CCDC91: variants seen among roughly 807,000 people sequenced by gnomAD.
CCDC91 encodes the protein coiled-coil domain-containing protein 91.
Under a neutral mutation model 63.2 loss-of-function variants are expected in CCDC91, and 48 were observed. That is an observed-to-expected ratio of 0.76 (90% CI 0.60 to 0.97). The LOEUF (loss-of-function observed/expected upper bound fraction) is 0.97. CCDC91 is among the 50% of genes least tolerant of loss of function. The pLI, the probability that CCDC91 is intolerant of heterozygous loss-of-function variation, is 0.00. For missense variants in CCDC91, 500 were observed against 494.6 expected, an observed-to-expected ratio of 1.01 and a Z score of -0.10; for synonymous variants, 167 against 165.8, an observed-to-expected ratio of 1.01 and a Z score of -0.06.
intron 6 of CCDC91, among the ~76,000 whole-genome samples, chr12:28,347,543 C>A (rs1942894055): frequency 6.6e-6 from 1 of 152,140 alleles, no homozygotes; most frequent in Non-Finnish European, 1.5e-5. Flanking sequence ...AGGTACAATA[C>A]TAGTGAGCTA....
At chr12:28,299,852 T>TC (rs1398574215) in intron 3 of CCDC91, among the ~76,000 whole-genome samples, 1 of 151,576 alleles carries the variant, frequency 6.6e-6, no homozygotes, top group Non-Finnish European at 1.5e-5. Flanking sequence ...AACCTTTTTT[T>TC]CCCTCTAGGT....
intron 12 of CCDC91, among the ~76,000 whole-genome samples, chr12:28,524,951 T>G (rs1255415829): frequency 6.6e-6 from 1 of 152,158 alleles, no homozygotes; most frequent in African/African-American, 2.4e-5. Context: ...TATCTCCCAT[T>G]TCATTTCTAA....
chr12:28,544,464 T>G (rs1001137732), intron 12 of CCDC91, among the ~76,000 whole-genome samples: 1 of 152,026 alleles, frequency 6.6e-6, no homozygotes, highest in Non-Finnish European at 1.5e-5. Context: ...GAAGTCATTT[T>G]TAAGCATTAA....
chr12:28,236,884 A>G (rs1944982335), intron 1 of CCDC91: 1 of 152,100 alleles, frequency 6.6e-6, no homozygotes, highest in Admixed American at 6.6e-5. Context: ...TTATGTAACA[A>G]TATAATGGTA....
intron 8 of CCDC91, among the ~76,000 whole-genome samples, chr12:28,433,755 G>A (rs1307388065): frequency 6.6e-6 from 1 of 151,872 alleles, no homozygotes; most frequent in Non-Finnish European, 1.5e-5. Context: ...TTGGTAGAAT[G>A]TTAATTGAAA....
At chr12:28,410,029 A>G (rs768442086) in intron 8 of CCDC91, among the ~76,000 whole-genome samples, 1 of 152,138 alleles carries the variant, frequency 6.6e-6, no homozygotes, top group Non-Finnish European at 1.5e-5. Flanking sequence ...TTGTATAAAT[A>G]TCATTTAGGT....
At chr12:28,502,229 CAA>C (rs1340901165) in intron 12 of CCDC91, among the ~76,000 whole-genome samples, 1 of 151,954 alleles carries the variant, frequency 6.6e-6, no homozygotes, top group African/African-American at 2.4e-5. Context: ...GCAACTTCAG[CAA>C]AGTCTCAGGA....
chr12:28,427,065 T>TA (rs1254442589), intron 8 of CCDC91, among the ~76,000 whole-genome samples: 1 of 151,518 alleles, frequency 6.6e-6, no homozygotes, highest in Non-Finnish European at 1.5e-5. Flanking sequence ...TACAGAGACT[T>TA]ACAGCTCTTT....
chr12:28,416,384 A>G (rs2139820242), intron 8 of CCDC91, among the ~76,000 whole-genome samples: 1 of 152,184 alleles, frequency 6.6e-6, no homozygotes, highest in South Asian at 2.1e-4. Context: ...CTGTTAGAGA[A>G]AAAAAAACTA....
chr12:28,507,157 G>A (rs187959176), intron 12 of CCDC91, among the ~76,000 whole-genome samples: 114 of 152,040 alleles, frequency 7.5e-4, no homozygotes, highest in Middle Eastern at 3.4e-3. Flanking sequence ...AAGAGATTAA[G>A]GGGGTAAAAA....
At chr12:28,220,117 G>T (rs1943838124) in intron 1 of CCDC91, among the ~76,000 whole-genome samples, 1 of 151,896 alleles carries the variant, frequency 6.6e-6, no homozygotes, top group Non-Finnish European at 1.5e-5. Flanking sequence ...ATCATTACAT[G>T]GTTGAGTTTA....
intron 6 of CCDC91, among the ~76,000 whole-genome samples, chr12:28,359,454 C>G (rs1387925171): frequency 6.6e-6 from 1 of 151,914 alleles, no homozygotes; most frequent in East Asian, 1.9e-4. Flanking sequence ...TTGGTAGTCT[C>G]TTCAATTTTT....
rs550365949 is a variant in CCDC91, at chr12:28,453,842, G to A, written c.1101+1188G>A. ...TTATTTAAATTTGTTTTATGACCCC[G>A]AACATTCCTGTAACCTCACATAGAT... On this transcript the variant is annotated intron_variant, in intron 11 of 12. Transcript: ENST00000536442. 4.6e-5 allele frequency among the ~76,000 whole-genome samples: 7 copies of A among 152,006 alleles called. 1 individual carries two copies. In the South Asian group the frequency reaches 8.3e-4, roughly 18 times the overall value.
chr12:28,451,595 A>G (rs1404100809), intron 10 of CCDC91, among the ~76,000 whole-genome samples: 2 of 151,702 alleles, frequency 1.3e-5, no homozygotes, highest in Non-Finnish European at 3.0e-5. Flanking sequence ...ATTATGATAT[A>G]CAGAAATGTG....
chr12:28,208,423 G>T (rs891407404), intron 1 of CCDC91, among the ~76,000 whole-genome samples: 6 of 152,072 alleles, frequency 3.9e-5, no homozygotes, highest in Non-Finnish European at 7.4e-5. Flanking sequence ...GTATAACTTG[G>T]AGACTAAACA....
intron 12 of CCDC91, among the ~76,000 whole-genome samples, chr12:28,494,180 A>G (rs1334502067): frequency 6.6e-6 from 1 of 151,696 alleles, no homozygotes; most frequent in Non-Finnish European, 1.5e-5. Context: ...ATAGCATCTC[A>G]GTAAACTGCT....
In CCDC91 at chr12:28,306,730, TA is replaced by T. The variant is rs1592262452; in HGVS notation, c.268-11del. 4 of 1,566,140 alleles carry T rather than the reference TA, an allele frequency of 2.6e-6. No individual in the cohort carries two copies. The highest frequency in any genetic ancestry group is 3.8e-5 in the Admixed American group (2 of 52,998). ...TTCCTCTCTTGTGTATTTTTTTTTT[TA>T]TGTGGTTTAGATTCAGCAATCAACA... On this transcript the variant is annotated splice_polypyrimidine_tract_variant and intron_variant, in intron 4 of 12. Transcript: ENST00000536442.
At chr12:28,357,998 T>C (rs1943630348) in intron 6 of CCDC91, among the ~76,000 whole-genome samples, 1 of 152,176 alleles carries the variant, frequency 6.6e-6, no homozygotes, top group South Asian at 2.1e-4. Context: ...GTTATTCCTG[T>C]GGACAGACTG....
At chr12:28,456,844 G>C (rs909760267) in intron 11 of CCDC91, among the ~76,000 whole-genome samples, 3 of 152,050 alleles carry the variant, frequency 2.0e-5, no homozygotes, top group Non-Finnish European at 2.9e-5. Flanking sequence ...ATTCAGGGGA[G>C]TTGTCAGGCC....
Sources: allele counts gnomAD v4.1 joint callset (sites outside exome capture counted in the v4.1 genomes callset), GRCh38; gene constraint gnomAD v4.1.1; transcripts MANE v1.5; gene names NCBI Gene and HGNC (gene_info 2026-07-23, HGNC 2026-07-21).